CMPK1: variants seen among roughly 807,000 people sequenced by gnomAD.
CMPK1 encodes the protein cytidine/uridine monophosphate kinase 1, also known as UMP-CMP kinase.
A neutral mutation model predicts 25.7 loss-of-function variants in CMPK1; 10 were observed. The ratio of observed to expected loss-of-function variants is 0.39; its 90% confidence interval spans 0.24 to 0.66. CMPK1 has a LOEUF of 0.66. Among genes scored for constraint, CMPK1 ranks in the 30% least tolerant of loss-of-function variants. The probability of loss-of-function intolerance (pLI) is 0.48; values close to 1 mark genes in which losing one functional copy is unlikely to be tolerated. For missense variants in CMPK1, 199 were observed against 280.5 expected (o/e 0.71, Z 2.08); for synonymous variants, 106 against 101.5 (o/e 1.04, Z -0.27).
At chr1:47,336,138 G>GAAAGAAATAAATAAAT (rs112451386) in intron 1 of CMPK1, among the ~76,000 whole-genome samples, 1 of 150,394 alleles carries the variant, frequency 6.6e-6, no homozygotes, top group Non-Finnish European at 1.5e-5. Flanking sequence ...CTCCGTCTCA[G>GAAAGAAATAAATAAAT]AAATAAATAA....
intron 1 of CMPK1, among the ~76,000 whole-genome samples, chr1:47,355,496 G>T (rs1336537210): frequency 6.6e-6 from 1 of 151,624 alleles, no homozygotes; most frequent in Admixed American, 6.6e-5. Context: ...TGTATTTTTA[G>T]TAGAGACGGG....
intron 2 of CMPK1, among the ~76,000 whole-genome samples, chr1:47,368,822 G>A (rs1038883113): frequency 1.3e-5 from 2 of 152,102 alleles, no homozygotes; most frequent in African/African-American, 4.8e-5. Flanking sequence ...AAAGCCATGC[G>A]TGGTGGCATA....
intron 1 of CMPK1, among the ~76,000 whole-genome samples, chr1:47,337,285 AAAAAT>A (rs1454243837): frequency 6.6e-6 from 1 of 152,078 alleles, no homozygotes; most frequent in Admixed American, 6.5e-5. Context: ...TCCATCTCAA[AAAAAT>A]AAAATAAATA....
chr1:47,334,284 G>A (rs1318664151), intron 1 of CMPK1, among the ~76,000 whole-genome samples, 168 bp downstream of exon 1: 1 of 151,742 alleles, frequency 6.6e-6, no homozygotes, highest in African/African-American at 2.4e-5. Context: ...GGCGCGCGGC[G>A]TGCCGGGACT....
At chr1:47,348,877 A>T (rs1047882816) in intron 1 of CMPK1, among the ~76,000 whole-genome samples, 1 of 152,128 alleles carries the variant, frequency 6.6e-6, no homozygotes, top group Admixed American at 6.6e-5. Context: ...CTTGGTGCCT[A>T]CTGGGAGTAT....
chr1:47,368,649 G>A (rs2149333512), intron 2 of CMPK1, 34 bp downstream of exon 2: 2 of 1,477,584 alleles, frequency 1.4e-6, no homozygotes, highest in Non-Finnish European at 1.8e-6. Flanking sequence ...GTTCAAACCA[G>A]CGAGGAAAGA....
chr1:47,355,058 CT>C (rs531616389), intron 1 of CMPK1, among the ~76,000 whole-genome samples: 10 of 148,012 alleles, frequency 6.8e-5, no homozygotes, highest in East Asian at 2.0e-4. Flanking sequence ...ATCACATTGT[CT>C]TTTTTTTTTG....
chr1:47,348,491 G>A (rs929910773), intron 1 of CMPK1, among the ~76,000 whole-genome samples: 4 of 152,136 alleles, frequency 2.6e-5, no homozygotes, highest in East Asian at 1.9e-4. Flanking sequence ...TGCCTGGTGC[G>A]TAAAGTTAAC....
At position 47,376,987 on chromosome 1, in the gene CMPK1, T is replaced by C. The variant is rs1646712381; in HGVS notation, c.*242T>C. 5.9e-6 allele frequency: 2 copies of C among 341,584 alleles called. No homozygotes were observed. The highest frequency in any genetic ancestry group is 9.5e-5 in the Admixed American group (2 of 20,988). 21.2% of individuals were successfully genotyped at this position (341,584 alleles called of 1,614,324 possible). On this transcript the variant is annotated 3_prime_UTR_variant, in exon 6 of 6. Coordinates refer to ENST00000371873, the MANE Select transcript of CMPK1 (RefSeq NM_016308.3). The stretch of plus-strand genomic sequence containing the variant: ...TCACCAAACGAAGGGTATCAGCTAT[T>C]TTTTTTAAAATTCAAAAAGAATATC...
intron 1 of CMPK1, among the ~76,000 whole-genome samples, chr1:47,345,318 G>A (rs888589845): frequency 6.8e-6 from 1 of 146,934 alleles, no homozygotes; most frequent in African/African-American, 2.5e-5. Flanking sequence ...TAGTGTCTCA[G>A]TTTTTTTTTT....
chr1:47,334,177 C>T, intron 1 of CMPK1, 61 bp downstream of exon 1: 3 of 1,311,032 alleles, frequency 2.3e-6, no homozygotes, highest in South Asian at 3.9e-5. Flanking sequence ...CGGCCTGTCC[C>T]GCCGCCCCTA....
At chr1:47,354,800 T>A (rs12068451) in intron 1 of CMPK1, among the ~76,000 whole-genome samples, 12,174 of 152,150 alleles carry the variant, frequency 0.08, 1,601 homozygotes, top group African/African-American at 0.28. Context: ...TATGTCTTTG[T>A]GCACATGTGC....
intron 1 of CMPK1, among the ~76,000 whole-genome samples, chr1:47,352,279 G>A (rs1365895637): frequency 6.6e-6 from 1 of 152,110 alleles, no homozygotes; most frequent in Non-Finnish European, 1.5e-5. Flanking sequence ...CATCCTGTGG[G>A]CTGTCTTTTA....
intron 1 of CMPK1, among the ~76,000 whole-genome samples, chr1:47,349,108 A>C (rs543064945): frequency 1.3e-5 from 2 of 152,322 alleles, no homozygotes; most frequent in East Asian, 1.9e-4. Context: ...AAATATGCCT[A>C]GCTTTCTGTG....
intron 1 of CMPK1, among the ~76,000 whole-genome samples, chr1:47,364,633 AAT>A (rs952153910): frequency 1.4e-5 from 2 of 148,054 alleles, no homozygotes; most frequent in African/African-American, 4.9e-5. Flanking sequence ...TTATATTTTT[AAT>A]ATATAATAAT....
At chr1:47,340,318 A>AG (rs1256804153) in intron 1 of CMPK1, among the ~76,000 whole-genome samples, 1 of 150,834 alleles carries the variant, frequency 6.6e-6, no homozygotes, top group Non-Finnish European at 1.5e-5. Flanking sequence ...AAAAAAAAAA[A>AG]GAGAAATGGG....
At chr1:47,358,681 G>T in intron 1 of CMPK1, 1 of 985,818 alleles carries the variant, frequency 1.0e-6, no homozygotes. Context: ...GTGATTTCAT[G>T]TAAGGTTCAG....
At chr1:47,341,288 G>A (rs1646439056) in intron 1 of CMPK1, among the ~76,000 whole-genome samples, 1 of 152,170 alleles carries the variant, frequency 6.6e-6, no homozygotes, top group African/African-American at 2.4e-5. Context: ...AGTGAGATTA[G>A]TGTATTTTTT....
At chr1:47,335,912 G>A (rs1205432743) in intron 1 of CMPK1, among the ~76,000 whole-genome samples, 1 of 151,500 alleles carries the variant, frequency 6.6e-6, no homozygotes, top group African/African-American at 2.4e-5. Flanking sequence ...ACAGGCGTGC[G>A]CCACCACGCC....
Sources: allele counts gnomAD v4.1 joint callset (sites outside exome capture counted in the v4.1 genomes callset), GRCh38; gene constraint gnomAD v4.1.1; transcripts MANE v1.5; gene names NCBI Gene and HGNC (gene_info 2026-07-23, HGNC 2026-07-21).